The following CERS1 variants were observed in gnomAD, a reference collection of about 807,000 sequenced individuals.
CERS1 encodes the protein ceramide synthase 1.
In CERS1, 16 loss-of-function variants were observed where a neutral mutation model predicts 35.7. That is an observed-to-expected ratio of 0.45 (90% CI 0.30 to 0.68). The LOEUF is 0.68. Ranked by LOEUF, CERS1 falls within the 30% of genes least tolerant of loss-of-function variation. CERS1 has a pLI of 0.08. For synonymous variants in CERS1, 243 were observed against 201.6 expected, an observed-to-expected ratio of 1.21 and a Z score of -1.74; for missense variants, 454 against 453.9, an observed-to-expected ratio of 1.00 and a Z score of 0.00.
At chr19:18,889,650 G>C (rs1321290020) in intron 2 of CERS1, among the ~76,000 whole-genome samples, 1 of 151,996 alleles carries the variant, frequency 6.6e-6, no homozygotes, top group Non-Finnish European at 1.5e-5. Flanking sequence ...GGTTGGTCTC[G>C]AACTCCTGGG....
chr19:18,879,538 C>T, intron 4 of CERS1, 150 bp from the exon 5 acceptor site: 1 of 984,962 alleles, frequency 1.0e-6, no homozygotes, highest in Non-Finnish European at 1.5e-6. Flanking sequence ...CTGTCCTTCC[C>T]CTCCCCTGCC....
chr19:18,874,835 T>C (rs1399664057), intron 6 of CERS1, among the ~76,000 whole-genome samples: 1 of 152,004 alleles, frequency 6.6e-6, no homozygotes, highest in Non-Finnish European at 1.5e-5. Context: ...TGAGATGGGG[T>C]GAGGAAGAGA....
At chr19:18,882,367 T>C (rs998768540) in intron 3 of CERS1, among the ~76,000 whole-genome samples, 1 of 151,544 alleles carries the variant, frequency 6.6e-6, no homozygotes, top group African/African-American at 2.4e-5. Context: ...ACGTGGTGGC[T>C]CACACCTGTA....
intron 6 of CERS1, among the ~76,000 whole-genome samples, chr19:18,872,795 G>A (rs932530448): frequency 3.9e-5 from 6 of 151,986 alleles, no homozygotes; most frequent in East Asian, 1.9e-4. Flanking sequence ...GATTACAGGC[G>A]TGAGCGCCGC....
intron 6 of CERS1, among the ~76,000 whole-genome samples, chr19:18,876,831 G>A (rs1210394679): frequency 6.6e-6 from 1 of 152,182 alleles, no homozygotes; most frequent in Non-Finnish European, 1.5e-5. Flanking sequence ...ACCGACATTG[G>A]TGCTTTGCTA....
intron 4 of CERS1, 50 bp downstream of exon 4, chr19:18,880,224 A>C: frequency 6.8e-7 from 1 of 1,469,338 alleles, no homozygotes; most frequent in Non-Finnish European, 9.1e-7. Context: ...GGACACACCC[A>C]CCTCACCAGG....
At chr19:18,896,538 G>T, upstream of CERS1, 1 of 153,964 alleles carries the variant, frequency 6.5e-6, no homozygotes, top group Non-Finnish European at 1.4e-5. This position sits in a 1 kb window ranked among gnomAD's most constrained non-coding sequence, Gnocchi z 5.9. Context: ...CCGCTCCATC[G>T]CCCCGGCCCG....
At chr19:18,877,598 A>T (rs547380055) in intron 6 of CERS1, among the ~76,000 whole-genome samples, 3 of 152,142 alleles carry the variant, frequency 2.0e-5, no homozygotes, top group South Asian at 2.1e-4. Flanking sequence ...CAAAAAATAC[A>T]AAAGTTAGCA....
At position 18,870,056 on chromosome 19, in the gene CERS1, C is replaced by T. The variant is rs1167550163; in HGVS notation, c.*521G>A. 1.3e-6 allele frequency: 2 copies of T among 1,589,918 alleles called. No individual in the cohort carries two copies. The highest frequency in any genetic ancestry group is 1.1e-5 in the South Asian group (1 of 88,306). On this transcript the variant is annotated 3_prime_UTR_variant, in exon 7 of 8. Coordinates refer to ENST00000623882, the MANE Select transcript of CERS1 (RefSeq NM_021267.5). This position sits in a 1 kb window ranked among gnomAD's most constrained non-coding sequence, Gnocchi z 5.1. ...CCACGTGGCACGGTTGCAGGGTGACCCCTGGGGACGTCCGCCGCGAGCCAG... is the reference window on the plus strand; with the variant it reads ...CCACGTGGCACGGTTGCAGGGTGACTCCTGGGGACGTCCGCCGCGAGCCAG...
intron 2 of CERS1, among the ~76,000 whole-genome samples, chr19:18,890,050 C>G (rs576219218): frequency 2.0e-5 from 3 of 152,204 alleles, no homozygotes; most frequent in African/African-American, 7.2e-5. Flanking sequence ...GATGCCCAAC[C>G]CAGGGTGACA....
At chr19:18,891,975 C>A (rs2056502591) in intron 2 of CERS1, among the ~76,000 whole-genome samples, 1 of 151,582 alleles carries the variant, frequency 6.6e-6, no homozygotes, top group Admixed American at 6.6e-5. Flanking sequence ...CTCACTGCAA[C>A]CTCCGCCTCC....
intron 4 of CERS1, 134 bp from the exon 5 acceptor site, chr19:18,879,522 A>T: frequency 9.1e-7 from 1 of 1,095,424 alleles, no homozygotes; most frequent in African/African-American, 1.6e-5. Context: ...TGTTTCTACT[A>T]CTGCTCTGTC....
chr19:18,868,919 G>A lies in CERS1; in HGVS notation c.*1066C>T, dbSNP rs2055905738. On this transcript the variant is annotated 3_prime_UTR_variant, in exon 8 of 8. Transcript: ENST00000623882. ...CACGTACAGCCGCCGCGCGCGACAAGCGCCCCCGGGGCCGCCGCCCAACAC... is the reference window on the plus strand; with the variant it reads ...CACGTACAGCCGCCGCGCGCGACAAACGCCCCCGGGGCCGCCGCCCAACAC... The A allele has an allele frequency of 7.3e-7, 1 of 1,360,902 alleles. No homozygotes were observed. Among genetic ancestry groups the A allele is most frequent in the Non-Finnish European group, 9.5e-7 (1 of 1,047,424 alleles). The allele number at this position is 1,360,902 out of a possible 1,614,324, so 84.3% of individuals were successfully genotyped here. A position where few individuals can be genotyped will look rare whatever the true frequency, so the allele number is the denominator to read the frequency against.
rs375824391 is a variant in CERS1 at position 18,895,230 on chromosome 19, G to A, written c.249+594C>T. On this transcript the variant is annotated intron_variant, in intron 1 of 7. Transcript: ENST00000623882. The surrounding 1 kb of genome is among the most constrained non-coding windows in gnomAD (Gnocchi z 6.4). ...CAGATAGGCACAAGGCAGCGACCGG[G>A]CAGCTCCTGCCTCTTCCCGATTACA... 9.8e-5 allele frequency among the ~76,000 whole-genome samples: 15 copies of A among 152,334 alleles called. No homozygotes were observed. The East Asian group carries it at 1.7e-3, about 18-fold the overall frequency.
rs1421717698 is a variant in CERS1 at position 18,870,106 on chromosome 19, G to A, written c.*471C>T. ...GACCTGGTCTCCTGGGGGTCCCGGC[G>A]TCGAAACAGGCGCCACATGACCGGG... On this transcript the variant is annotated 3_prime_UTR_variant, in exon 7 of 8. Transcript: ENST00000623882. This position sits in a 1 kb window ranked among gnomAD's most constrained non-coding sequence, Gnocchi z 5.1. The A allele has an allele frequency of 2.5e-6, 4 of 1,569,424 alleles. No homozygotes were observed. Among genetic ancestry groups the A allele is most frequent in the Non-Finnish European group, 3.4e-6 (4 of 1,162,472 alleles).
chr19:18,878,838 C>T lies in CERS1; in HGVS notation c.1010+92G>A, dbSNP rs554320654. 7.9e-5 allele frequency: 121 copies of T among 1,541,348 alleles called. 3 individuals are homozygous for T. The East Asian group carries it at 2.2e-3, about 29-fold the overall frequency. ...GGGGCAGCATCCGCGTCGGCCTCAT[C>T]TGCTGCTGGGTCTTGGGGGCCTGCC... On this transcript the variant is annotated intron_variant, in intron 6 of 7. Coordinates refer to ENST00000623882, the MANE Select transcript of CERS1 (RefSeq NM_021267.5). The surrounding 1 kb of genome is among the most constrained non-coding windows in gnomAD (Gnocchi z 4.6).
chr19:18,894,540 G>C (rs1183944113), intron 1 of CERS1, among the ~76,000 whole-genome samples: 2 of 152,130 alleles, frequency 1.3e-5, no homozygotes, highest in African/African-American at 4.8e-5. Flanking sequence ...GCTCGGCCCT[G>C]GTAGTCTACC....
intron 2 of CERS1, among the ~76,000 whole-genome samples, chr19:18,887,879 A>T (rs553620533): frequency 6.6e-6 from 1 of 152,274 alleles, no homozygotes; most frequent in South Asian, 2.1e-4. Context: ...CCCCAATGGA[A>T]CAGTCCTCTG....
intron 2 of CERS1, among the ~76,000 whole-genome samples, chr19:18,886,629 G>C (rs1030679588): frequency 6.6e-6 from 1 of 152,114 alleles, no homozygotes; most frequent in African/African-American, 2.4e-5. Context: ...CACCAACCTG[G>C]AACTCTCTGG....
Sources: gnomAD v4.1 joint callset for allele counts (sites outside exome capture counted in the v4.1 genomes callset) on GRCh38, gnomAD v4.1.1 for gene constraint, Gnocchi (gnomAD v3.1) non-coding constraint, MANE v1.5 for transcripts, NCBI Gene and HGNC (gene_info 2026-07-23, HGNC 2026-07-21) for gene names.